Variants in TPO observed in about 807,000 individuals in gnomAD.
The protein encoded by TPO is thyroid peroxidase, also known as thyroid microsomal antigen.
TPO carries 78 observed loss-of-function variants against 96.9 expected under a neutral mutation model. That is an observed-to-expected ratio of 0.81 (90% CI 0.67 to 0.97). The LOEUF is 0.97. Among genes scored for constraint, TPO ranks in the 50% least tolerant of loss-of-function variants. The pLI is 0.00. For missense variants in TPO, 1,252 were observed against 1,274.8 expected (o/e 0.98, Z 0.27); for synonymous variants, 547 against 538.0 (o/e 1.02, Z -0.23).
intron 4 of TPO, among the ~76,000 whole-genome samples, chr2:1,435,388 T>C (rs1573171444): frequency 6.6e-6 from 1 of 152,232 alleles, no homozygotes; most frequent in Non-Finnish European, 1.5e-5. Context: ...ACTGTTCCCA[T>C]AGAGCCATTC....
At chr2:1,459,457 G>A (rs1002951040) in intron 7 of TPO, among the ~76,000 whole-genome samples, 1 of 152,084 alleles carries the variant, frequency 6.6e-6, no homozygotes, top group Non-Finnish European at 1.5e-5. Context: ...GCCAACAAGG[G>A]ACATTTTCTA....
intron 7 of TPO, among the ~76,000 whole-genome samples, chr2:1,459,327 T>G (rs1290074669): frequency 6.6e-6 from 1 of 152,046 alleles, no homozygotes; most frequent in East Asian, 1.9e-4. Context: ...AATTTTTGTA[T>G]TTTTAGTAGA....
intron 16 of TPO, chr2:1,541,306 A>G: frequency 1.8e-6 from 1 of 544,130 alleles, no homozygotes; most frequent in Non-Finnish European, 2.4e-6. Flanking sequence ...GCTGCACGGC[A>G]TGGGGCGCAC....
At chr2:1,456,788 T>C (rs191453270) in intron 7 of TPO, among the ~76,000 whole-genome samples, 236 of 15,824 alleles carry the variant, frequency 0.015, 94 homozygotes, top group African/African-American at 0.037. Flanking sequence ...TGGGTACACA[T>C]ATATATATAG....
At chr2:1,434,081 A>G (rs1573165768) in intron 4 of TPO, among the ~76,000 whole-genome samples, 1 of 152,286 alleles carries the variant, frequency 6.6e-6, no homozygotes, top group Non-Finnish European at 1.5e-5. Context: ...CTCTAAAATG[A>G]GGACAGTGGC....
chr2:1,536,805 C>T (rs1323083658), intron 15 of TPO, among the ~76,000 whole-genome samples: 1 of 129,270 alleles, frequency 7.7e-6, no homozygotes, highest in Non-Finnish European at 1.7e-5. Context: ...ATCTGTGCAA[C>T]CTCCCCAAAT....
intron 8 of TPO, 45 bp downstream of exon 8, chr2:1,477,649 C>CG (rs1342188682): frequency 2.1e-6 from 3 of 1,441,666 alleles, no homozygotes; most frequent in Non-Finnish European, 2.7e-6. Context: ...GCGGGCAAAG[C>CG]GGGGGGCGCC....
chr2:1,379,034 C>T (rs1013769133), intron 1 of TPO, among the ~76,000 whole-genome samples: 21 of 152,202 alleles, frequency 1.4e-4, no homozygotes, highest in South Asian at 4.1e-4. Flanking sequence ...TGTTTTATTT[C>T]ATTTAAAGAG....
chr2:1,411,268 A>G (rs1265343812), upstream of TPO, among the ~76,000 whole-genome samples: 1 of 152,210 alleles, frequency 6.6e-6, no homozygotes, highest in Non-Finnish European at 1.5e-5. Flanking sequence ...GTATTTTCAA[A>G]TGATAGATAC....
At chr2:1,538,061 C>T (rs1183857077) in intron 15 of TPO, among the ~76,000 whole-genome samples, 6 of 95,516 alleles carry the variant, frequency 6.3e-5, no homozygotes, top group African/African-American at 1.1e-4. Context: ...CCTCAAATCC[C>T]CCACACTGTG....
intron 1 of TPO, among the ~76,000 whole-genome samples, chr2:1,388,894 C>T (rs1334791734): frequency 6.6e-6 from 1 of 152,198 alleles, no homozygotes; most frequent in African/African-American, 2.4e-5. Flanking sequence ...TCCACCTGTA[C>T]CTTCCTAGAC....
At chr2:1,516,281 T>C (rs1016448658) in intron 14 of TPO, among the ~76,000 whole-genome samples, 1 of 152,204 alleles carries the variant, frequency 6.6e-6, no homozygotes, top group African/African-American at 2.4e-5. Context: ...GTTCGGTTTC[T>C]TTCTGGAATT....
rs1662234019 is a variant in TPO, at chr2:1,405,308, AC to A, written n.180+30907del. Among the ~76,000 whole-genome samples the A allele has an allele frequency of 5.4e-5, 8 of 147,492 alleles. No homozygotes were observed. The South Asian group carries it at 1.5e-3, about 28-fold the overall frequency. ...ACATCCATCCATCCATCATCCATTC[AC>A]TCATCCATGCACCCACCCATCCATC... On this transcript the variant is annotated intron_variant and non_coding_transcript_variant, in intron 1 of 5. Coordinates refer to the TPO transcript ENST00000497517.
intron 8 of TPO, among the ~76,000 whole-genome samples, chr2:1,481,435 C>G (rs1670631346): frequency 6.6e-6 from 1 of 152,150 alleles, no homozygotes; most frequent in South Asian, 2.1e-4. Context: ...CCCCGGCCAT[C>G]AGATAGCAGA....
intron 5 of TPO, among the ~76,000 whole-genome samples, chr2:1,441,167 G>C (rs923031073): frequency 7.2e-6 from 1 of 139,302 alleles, no homozygotes; most frequent in Non-Finnish European, 1.6e-5. Flanking sequence ...GCAGGAGGCA[G>C]TACGTTGGAA....
chr2:1,488,071 T>C (rs1671347235), intron 10 of TPO, 80 bp downstream of exon 10: 2 of 1,591,324 alleles, frequency 1.3e-6, no homozygotes. Flanking sequence ...CTAGAGAGAC[T>C]GATTTAGAGG....
In TPO at chr2:1,484,689, A is replaced by T. The variant is rs768949903; in HGVS notation, c.1432A>T (p.Asn478Tyr). ...CTATGAAGGCTATGACTCCACCGCC[A>T]ACCCCACTGTGTCCAACGTGTTCTC... ...GPYEGYDSTA[N>Y]PTVSNVFSTA... Residue 478 changes from asparagine to tyrosine, a missense_variant, in exon 9 of 17, where the codon AAC becomes TAC. Coordinates refer to ENST00000329066, the MANE Select transcript of TPO (RefSeq NM_001206744.2). 4 of 1,614,110 alleles carry T rather than the reference A, an allele frequency of 2.5e-6. 1 individual carries two copies. The South Asian group carries it at 4.4e-5, about 18-fold the overall frequency.
rs1195741316 is a variant in TPO at position 1,396,494 on chromosome 2, T to A, written n.180+22092T>A. Reference sequence around the variant, plus strand: ...TGCAAATCTGACAGTGCTCGAATATTTTTTGATTCAGCAGTGGAGTAACTT... The same window carrying A: ...TGCAAATCTGACAGTGCTCGAATATATTTTGATTCAGCAGTGGAGTAACTT... On this transcript the variant is annotated intron_variant and non_coding_transcript_variant, in intron 1 of 5. Transcript: ENST00000497517. Among the ~76,000 whole-genome samples the A allele has an allele frequency of 2.0e-5, 3 of 152,210 alleles. No individual in the cohort carries two copies. The East Asian group carries it at 5.8e-4, about 29-fold the overall frequency.
chr2:1,451,364 G>C (rs1667284626), intron 5 of TPO, among the ~76,000 whole-genome samples: 1 of 152,158 alleles, frequency 6.6e-6, no homozygotes, highest in African/African-American at 2.4e-5. Context: ...TAACCATAAA[G>C]GCGATGGTAA....
Sources: allele counts gnomAD v4.1 joint callset (sites outside exome capture counted in the v4.1 genomes callset), GRCh38; gene constraint gnomAD v4.1.1; transcripts MANE v1.5; gene names NCBI Gene and HGNC (gene_info 2026-07-23, HGNC 2026-07-21).